The following RBFOX1 variants were observed in gnomAD, a reference collection of about 807,000 sequenced individuals.
RBFOX1 encodes RNA binding fox-1 homolog 1, also known as RNA binding protein fox-1 homolog 1.
RBFOX1 carries 8 observed loss-of-function variants against 57.7 expected under a neutral mutation model. That is an observed-to-expected ratio of 0.14 (90% CI 0.08 to 0.25). The LOEUF (loss-of-function observed/expected upper bound fraction) is 0.25, where lower values mean the gene tolerates loss of function less well. RBFOX1 is among the 10% of genes least tolerant of loss of function. The pLI is 1.00. For missense variants in RBFOX1, 611 were observed against 548.5 expected (o/e 1.11, Z -1.14); for synonymous variants, 326 against 222.4 (o/e 1.47, Z -4.15).
chr16:7,295,170 G>A (rs533881501), intron 4 of RBFOX1, among the ~76,000 whole-genome samples: 5 of 152,182 alleles, frequency 3.3e-5, no homozygotes, highest in African/African-American at 1.2e-4. Flanking sequence ...GCATTCATTT[G>A]ATTCATTAGC....
chr16:6,493,162 G>A (rs543169358), intron 2 of RBFOX1, among the ~76,000 whole-genome samples: 41 of 152,286 alleles, frequency 2.7e-4, no homozygotes, highest in African/African-American at 9.4e-4. Flanking sequence ...TAGGTATTCT[G>A]TGTTGGACAT....
At chr16:7,279,399 C>T (rs2095500259) in intron 4 of RBFOX1, among the ~76,000 whole-genome samples, 1 of 152,164 alleles carries the variant, frequency 6.6e-6, no homozygotes, top group African/African-American at 2.4e-5. Flanking sequence ...GAATTCATTT[C>T]TCTGTGCGTA....
intron 3 of RBFOX1, among the ~76,000 whole-genome samples, chr16:6,975,463 C>T (rs1259404209): frequency 2.0e-5 from 3 of 152,066 alleles, no homozygotes; most frequent in African/African-American, 7.2e-5. Flanking sequence ...GATGGGGTTT[C>T]ACCATCTTGG....
At chr16:5,987,906 G>C (rs1213288427) in intron 4 of RBFOX1, among the ~76,000 whole-genome samples, 1 of 152,096 alleles carries the variant, frequency 6.6e-6, no homozygotes, top group Non-Finnish European at 1.5e-5. Flanking sequence ...ACTGTGACAT[G>C]GGAACTGTAT....
At chr16:5,605,145 G>A (rs1596412792), downstream of RBFOX1, among the ~76,000 whole-genome samples, 1 of 152,294 alleles carries the variant, frequency 6.6e-6, no homozygotes, top group East Asian at 1.9e-4. Context: ...GTGGTGACAG[G>A]CTTGTTCCCT....
chr16:6,699,244 C>G (rs904252957), intron 3 of RBFOX1, among the ~76,000 whole-genome samples: 1 of 151,808 alleles, frequency 6.6e-6, no homozygotes, highest in African/African-American at 2.4e-5. Context: ...GCCTTGAACT[C>G]TCTTCACGTT....
At chr16:6,009,376 C>T (rs2094946596) in intron 4 of RBFOX1, among the ~76,000 whole-genome samples, 1 of 152,182 alleles carries the variant, frequency 6.6e-6, no homozygotes, top group Non-Finnish European at 1.5e-5. Context: ...GCTTGACTGC[C>T]TCCAGTTGCC....
At chr16:6,011,245 C>T (rs998611694) in intron 4 of RBFOX1, among the ~76,000 whole-genome samples, 6 of 152,158 alleles carry the variant, frequency 3.9e-5, no homozygotes, top group African/African-American at 9.6e-5. Context: ...CTCATTGACT[C>T]GCAACTTTTT....
At chr16:6,904,849 G>C (rs923993938) in intron 3 of RBFOX1, among the ~76,000 whole-genome samples, 2 of 152,192 alleles carry the variant, frequency 1.3e-5, no homozygotes, top group South Asian at 2.1e-4. Flanking sequence ...GAATTGTTTT[G>C]TTCTGCGTTG....
At chr16:5,809,687 G>C (rs1330510388) in intron 3 of RBFOX1, among the ~76,000 whole-genome samples, 2 of 152,314 alleles carry the variant, frequency 1.3e-5, no homozygotes, top group South Asian at 2.1e-4. Flanking sequence ...AGGTGCTGGA[G>C]AGGATGTGGA....
chr16:6,434,312 G>A (rs905987276), intron 2 of RBFOX1, among the ~76,000 whole-genome samples: 1 of 152,016 alleles, frequency 6.6e-6, no homozygotes, highest in African/African-American at 2.4e-5. Context: ...TTTGAGAAAG[G>A]CCTTATTCCT....
chr16:5,371,741 A>G (rs894012474), intron 1 of RBFOX1, among the ~76,000 whole-genome samples: 7 of 152,198 alleles, frequency 4.6e-5, no homozygotes, highest in African/African-American at 1.7e-4. Flanking sequence ...GGTGACCGGC[A>G]TTTCCGGAGA....
chr16:7,303,790 C>T (rs986321521), intron 4 of RBFOX1, among the ~76,000 whole-genome samples: 1 of 149,910 alleles, frequency 6.7e-6, no homozygotes, highest in Non-Finnish European at 1.5e-5. Context: ...TCTGTCTCTC[C>T]CCTCCCTCTC....
chr16:7,454,228 G>T (rs567030568), intron 4 of RBFOX1, among the ~76,000 whole-genome samples: 4 of 152,024 alleles, frequency 2.6e-5, no homozygotes, highest in African/African-American at 9.7e-5. Flanking sequence ...GCGAGACTCC[G>T]TCCCCCACCA....
intron 4 of RBFOX1, among the ~76,000 whole-genome samples, chr16:6,007,460 A>T (rs903432053): frequency 6.6e-6 from 1 of 152,168 alleles, no homozygotes; most frequent in Admixed American, 6.5e-5. Flanking sequence ...AGGTCTTGAG[A>T]TGAAACTGCA....
At position 6,570,137 on chromosome 16, in the gene RBFOX1, A is replaced by G. The variant is rs151267980; in HGVS notation, c.-63-84466A>G. 2.4e-4 allele frequency among the ~76,000 whole-genome samples: 36 copies of G among 152,324 alleles called. No individual in the cohort carries two copies. In the East Asian group the frequency reaches 4.8e-3, roughly 20 times the overall value. The stretch of plus-strand genomic sequence containing the variant: ...GAGCCATGTGCTTAAATGAAATCTG[A>G]CTACACTAATTTCGTTATATATTAG... On this transcript the variant is annotated intron_variant, in intron 2 of 15. Coordinates refer to ENST00000550418, the MANE Select transcript of RBFOX1 (RefSeq NM_018723.4).
intron 3 of RBFOX1, among the ~76,000 whole-genome samples, chr16:6,960,418 C>T (rs191665827): frequency 1.3e-5 from 2 of 152,154 alleles, no homozygotes; most frequent in African/African-American, 4.8e-5. Flanking sequence ...CCCAGGCCTT[C>T]TCCCTGTACC....
intron 2 of RBFOX1, among the ~76,000 whole-genome samples, chr16:6,486,063 A>AG (rs2095474545): frequency 7.2e-6 from 1 of 139,062 alleles, no homozygotes; most frequent in East Asian, 2.2e-4. Flanking sequence ...CAAAAGTTGA[A>AG]GGAGATCTCA....
Position 7,502,661 on chromosome 16 carries a change from CGTATACAT to C in RBFOX1, c.28-15483_28-15476del, listed in dbSNP as rs2071358244. On this transcript the variant is annotated intron_variant, in intron 4 of 15. Transcript: ENST00000550418. The stretch of plus-strand genomic sequence containing the variant: ...GCACATTGTGCAGGTTAGTTACATA[CGTATACAT>C]GTGGTGAGGCATAAACTTTTATGAT... Among the ~76,000 whole-genome samples the C allele has an allele frequency of 2.6e-5, 4 of 152,092 alleles. No homozygotes were observed. The South Asian group carries it at 8.3e-4, about 32-fold the overall frequency.
Sources: gnomAD v4.1 joint callset for allele counts (sites outside exome capture counted in the v4.1 genomes callset) on GRCh38, gnomAD v4.1.1 for gene constraint, MANE v1.5 for transcripts, NCBI Gene and HGNC (gene_info 2026-07-23, HGNC 2026-07-21) for gene names.